RPTOR: variants seen among roughly 807,000 people sequenced by gnomAD.
RPTOR encodes regulatory-associated protein of mTOR.
In RPTOR, 21 loss-of-function variants were observed where a neutral mutation model predicts 169.9. That is an observed-to-expected ratio of 0.12 (90% CI 0.09 to 0.18). RPTOR has a LOEUF of 0.18. Ranked by LOEUF, RPTOR falls within the 10% of genes least tolerant of loss-of-function variation. RPTOR has a pLI of 1.00. For synonymous variants in RPTOR, 732 were observed against 753.2 expected (o/e 0.97, Z 0.46); for missense variants, 1,133 against 1,855.9 (o/e 0.61, Z 7.16).
chr17:80,753,904 C>G, intron 5 of RPTOR, 106 bp from the exon 6 acceptor site: 1 of 1,059,112 alleles, frequency 9.4e-7, no homozygotes, highest in Non-Finnish European at 1.4e-6. Flanking sequence ...AAACTCACAG[C>G]CTGAGTTGAT....
intron 2 of RPTOR, among the ~76,000 whole-genome samples, chr17:80,631,374 A>C (rs966528942): frequency 6.6e-6 from 1 of 152,112 alleles, no homozygotes; most frequent in Admixed American, 6.5e-5. Flanking sequence ...GGAGAGTGTG[A>C]GTGCCCCTTG....
chr17:80,694,202 A>G (rs151005989), intron 3 of RPTOR, among the ~76,000 whole-genome samples: 27 of 152,302 alleles, frequency 1.8e-4, no homozygotes, highest in African/African-American at 6.3e-4. Context: ...TGGGGAGGCG[A>G]CAGGTCGAGG....
At chr17:80,742,880 A>G (rs12951048) in intron 5 of RPTOR, among the ~76,000 whole-genome samples, 84,071 of 151,780 alleles carry the variant, frequency 0.55, 23,501 homozygotes, top group African/African-American at 0.59. Flanking sequence ...ACATGGACAT[A>G]TACACACATG....
In RPTOR at chr17:80,734,263, T is replaced by A. The variant is rs369551957; in HGVS notation, c.654+3557T>A. On this transcript the variant is annotated intron_variant, in intron 5 of 33. Transcript: ENST00000306801. Reference sequence around the variant, plus strand: ...AGCGGAGAGCACAGAAGGCGCCCTCTCCCCTCACATCTTCCAAGCTCTCCT... The same window carrying A: ...AGCGGAGAGCACAGAAGGCGCCCTCACCCCTCACATCTTCCAAGCTCTCCT... Among the ~76,000 whole-genome samples, 28 of 152,268 alleles carry A rather than the reference T, an allele frequency of 1.8e-4. 2 individuals carry two copies. Among genetic ancestry groups the A allele is most frequent in the Admixed American group, 9.8e-4 (15 of 15,292 alleles).
intron 4 of RPTOR, among the ~76,000 whole-genome samples, chr17:80,719,863 T>C (rs1024913777): frequency 6.6e-6 from 1 of 152,236 alleles, no homozygotes; most frequent in African/African-American, 2.4e-5. Flanking sequence ...CTTCTTTTAT[T>C]ACAGTTAAAT....
At chr17:80,691,017 A>G (rs963044613) in intron 3 of RPTOR, among the ~76,000 whole-genome samples, 2 of 152,004 alleles carry the variant, frequency 1.3e-5, no homozygotes, top group Non-Finnish European at 2.9e-5. Context: ...CTGGTTTTTA[A>G]TTCCTGGCCT....
At chr17:80,692,282 ATGTTATG>A (rs2065999391) in intron 3 of RPTOR, among the ~76,000 whole-genome samples, 2 of 14,668 alleles carry the variant, frequency 1.4e-4, no homozygotes, top group African/African-American at 3.0e-4. Flanking sequence ...TGGCTACGTT[ATGTTATG>A]TTATGTTATG....
intron 6 of RPTOR, among the ~76,000 whole-genome samples, chr17:80,784,777 C>T (rs1477750595): frequency 6.6e-6 from 1 of 151,900 alleles, no homozygotes; most frequent in East Asian, 1.9e-4. Context: ...CGGCTCACTG[C>T]AACCTCCGCC....
intron 31 of RPTOR, chr17:80,961,858 T>TA (rs559740405): frequency 2.3e-4 from 53 of 235,390 alleles, no homozygotes; most frequent in African/African-American, 1.1e-3. Context: ...TCTTGGTAAA[T>TA]ACAGCACCAA....
chr17:80,956,754 C>T (rs932671516), intron 28 of RPTOR, among the ~76,000 whole-genome samples: 3 of 152,024 alleles, frequency 2.0e-5, no homozygotes, highest in Admixed American at 6.5e-5. Context: ...ACCTAACAGA[C>T]GTTCCGGGAA....
chr17:80,552,832 A>G (rs943404497), intron 1 of RPTOR, among the ~76,000 whole-genome samples: 1 of 152,242 alleles, frequency 6.6e-6, no homozygotes, highest in African/African-American at 2.4e-5. Flanking sequence ...AAAACAAAAC[A>G]AAACTGTATC....
intron 6 of RPTOR, among the ~76,000 whole-genome samples, chr17:80,786,466 C>G (rs1369571388): frequency 2.6e-5 from 4 of 152,190 alleles, no homozygotes; most frequent in African/African-American, 9.7e-5. Flanking sequence ...TAAAAGAAAA[C>G]TCTAGGCAAA....
chr17:80,903,015 A>G (rs2068495826), intron 20 of RPTOR, among the ~76,000 whole-genome samples: 1 of 152,246 alleles, frequency 6.6e-6, no homozygotes, highest in African/African-American at 2.4e-5. Flanking sequence ...GGCCTGGGCT[A>G]GATGGGACCA....
At chr17:80,950,435 G>A (rs2069160576) in intron 28 of RPTOR, among the ~76,000 whole-genome samples, 1 of 152,036 alleles carries the variant, frequency 6.6e-6, no homozygotes, top group Non-Finnish European at 1.5e-5. Context: ...CCCGGGAGAT[G>A]CCAACCCTCA....
chr17:80,598,364 G>T (rs1016690219), intron 1 of RPTOR, among the ~76,000 whole-genome samples: 6 of 152,176 alleles, frequency 3.9e-5, no homozygotes, highest in Admixed American at 1.3e-4. Context: ...GGGGTGTGGG[G>T]CAGCCCAAGA....
At chr17:80,870,926 G>C (rs2068045372) in intron 13 of RPTOR, among the ~76,000 whole-genome samples, 1 of 152,194 alleles carries the variant, frequency 6.6e-6, no homozygotes, top group Admixed American at 6.5e-5. Flanking sequence ...ACTCTCATCA[G>C]ATTTTCTTGC....
chr17:80,880,301 G>A, intron 13 of RPTOR, 114 bp from the exon 14 acceptor site: 2 of 858,356 alleles, frequency 2.3e-6, no homozygotes, highest in Non-Finnish European at 3.9e-6. Context: ...TTGAAAGGAG[G>A]AAATAATTGA....
chr17:80,837,387 G>T (rs1260087196), intron 9 of RPTOR, among the ~76,000 whole-genome samples: 1 of 152,138 alleles, frequency 6.6e-6, no homozygotes, highest in Non-Finnish European at 1.5e-5. Context: ...GGGCCTGACG[G>T]CACCATCACA....
At chr17:80,884,827 T>G (rs572139536) in intron 16 of RPTOR, among the ~76,000 whole-genome samples, 181 bp from the exon 17 acceptor site, 2 of 152,320 alleles carry the variant, frequency 1.3e-5, no homozygotes, top group East Asian at 1.9e-4. Flanking sequence ...CGGCTGCCCC[T>G]GCTGCTCCCC....
Sources: allele counts gnomAD v4.1 joint callset (sites outside exome capture counted in the v4.1 genomes callset), GRCh38; gene constraint gnomAD v4.1.1; transcripts MANE v1.5; gene names NCBI Gene and HGNC (gene_info 2026-07-23, HGNC 2026-07-21).